DLGAP1: variants seen among roughly 807,000 people sequenced by gnomAD.
DLGAP1 encodes DLG associated protein 1, also known as disks large-associated protein 1.
Under a neutral mutation model 90.8 loss-of-function variants are expected in DLGAP1, and 11 were observed. The observed-to-expected ratio is 0.12, with a 90% CI of 0.08 to 0.20. DLGAP1 has a LOEUF of 0.20. Among genes scored for constraint, DLGAP1 ranks in the 10% least tolerant of loss-of-function variants. DLGAP1 has a pLI of 1.00. For synonymous variants in DLGAP1, 558 were observed against 540.7 expected (o/e 1.03, Z -0.44); for missense variants, 1,050 against 1,333.8 (o/e 0.79, Z 3.31).
chr18:3,783,439 T>C (rs943720785), intron 5 of DLGAP1, among the ~76,000 whole-genome samples: 6 of 152,224 alleles, frequency 3.9e-5, no homozygotes, highest in Non-Finnish European at 5.9e-5. Context: ...AATGTGGGTT[T>C]TCCACACAGT....
At chr18:3,623,815 A>C (rs1376669580) in intron 7 of DLGAP1, among the ~76,000 whole-genome samples, 1 of 150,948 alleles carries the variant, frequency 6.6e-6, no homozygotes, top group Admixed American at 6.6e-5. Context: ...CCCCCTAGAA[A>C]ATGCTTTTCC....
intron 4 of DLGAP1, chr18:3,845,393 T>G: frequency 1.5e-5 from 21 of 1,380,706 alleles, no homozygotes; most frequent in East Asian, 8.4e-5. Flanking sequence ...GACTTGGGGG[T>G]GGGGGGAGAG....
chr18:4,234,401 T>C lies in DLGAP1; in HGVS notation c.-266-83114A>G, dbSNP rs2078361968. ...TTTGACAGTAACCAAGCAAAACTTGTGATTCACTATGATGATAACACAGCA... is the reference window on the plus strand; with the variant it reads ...TTTGACAGTAACCAAGCAAAACTTGCGATTCACTATGATGATAACACAGCA... On this transcript the variant is annotated intron_variant, in intron 1 of 12. Coordinates refer to ENST00000315677, the MANE Select transcript of DLGAP1 (RefSeq NM_004746.4). Among the ~76,000 whole-genome samples, 8 of 152,296 alleles carry C rather than the reference T, an allele frequency of 5.3e-5. No individual in the cohort carries two copies. In the South Asian group the frequency reaches 1.7e-3, roughly 32 times the overall value.
chr18:4,169,526 T>C (rs1359708412), intron 1 of DLGAP1, among the ~76,000 whole-genome samples: 1 of 152,220 alleles, frequency 6.6e-6, no homozygotes, highest in African/African-American at 2.4e-5. Flanking sequence ...TAAGTTGCTA[T>C]CATTAACACA....
chr18:3,625,570 G>C (rs542590358), intron 7 of DLGAP1, among the ~76,000 whole-genome samples: 1 of 152,192 alleles, frequency 6.6e-6, no homozygotes, highest in Admixed American at 6.5e-5. Context: ...CCCAAAGCAT[G>C]CCTTTTTTGG....
At chr18:3,642,905 T>C in intron 7 of DLGAP1, among the ~76,000 whole-genome samples, 1 of 152,228 alleles carries the variant, frequency 6.6e-6, no homozygotes, top group Non-Finnish European at 1.5e-5. Context: ...TCAAACCAGC[T>C]ACTCTTCGAC....
intron 7 of DLGAP1, among the ~76,000 whole-genome samples, chr18:3,604,790 A>C (rs623302): frequency 0.79 from 120,032 of 152,126 alleles, 47,649 homozygotes; most frequent in African/African-American, 0.86. Context: ...GTAGTGAAAT[A>C]AGATGAGTCA....
At chr18:3,813,526 T>C (rs2066944556) in intron 5 of DLGAP1, among the ~76,000 whole-genome samples, 1 of 152,208 alleles carries the variant, frequency 6.6e-6, no homozygotes, top group African/African-American at 2.4e-5. Flanking sequence ...AGGCCTTCAA[T>C]TGTAATACAT....
chr18:4,390,994 T>C (rs995446787), intron 1 of DLGAP1, among the ~76,000 whole-genome samples: 2 of 152,162 alleles, frequency 1.3e-5, no homozygotes, highest in South Asian at 2.1e-4. Context: ...AATGGTCATA[T>C]ACCTTAAACA....
rs1277519903 is a variant in DLGAP1 at position 4,412,918 on chromosome 18, C to T, written c.-267+42088G>A. On this transcript the variant is annotated intron_variant, in intron 1 of 12. Transcript: ENST00000315677. Reference sequence around the variant, plus strand: ...GACATGCACAGGCAATGCTGCGATGCTCAGTGGTGCTGCCTTTTTAGGTGA... The same window carrying T: ...GACATGCACAGGCAATGCTGCGATGTTCAGTGGTGCTGCCTTTTTAGGTGA... Among the ~76,000 whole-genome samples the T allele has an allele frequency of 2.6e-5, 4 of 152,192 alleles. No homozygotes were observed. The East Asian group carries it at 5.8e-4, about 22-fold the overall frequency.
At position 4,095,954 on chromosome 18, in the gene DLGAP1, C is replaced by T. The variant is rs190357499; in HGVS notation, c.-159+55226G>A. On this transcript the variant is annotated intron_variant, in intron 2 of 12. Transcript: ENST00000315677. Reference sequence around the variant, plus strand: ...TCAGCAGAAACAAATTCTAAAGAGCCTGTGTTTACCTGAAACTGCCTGAGA... The same window carrying T: ...TCAGCAGAAACAAATTCTAAAGAGCTTGTGTTTACCTGAAACTGCCTGAGA... Among the ~76,000 whole-genome samples, 342 of 152,114 alleles carry T rather than the reference C, an allele frequency of 2.2e-3. 2 individuals are homozygous for T. The highest frequency in any genetic ancestry group is 7.3e-3 in the African/African-American group (304 of 41,510).
At chr18:3,608,704 C>T (rs1370883061) in intron 7 of DLGAP1, among the ~76,000 whole-genome samples, 2 of 152,196 alleles carry the variant, frequency 1.3e-5, no homozygotes, top group African/African-American at 2.4e-5. Flanking sequence ...ATAAGATGCT[C>T]ATTCCAGAGA....
intron 1 of DLGAP1, among the ~76,000 whole-genome samples, chr18:4,228,794 A>G (rs1182237101): frequency 6.6e-6 from 1 of 151,964 alleles, no homozygotes; most frequent in African/African-American, 2.4e-5. Flanking sequence ...ACAAGCATGT[A>G]CACTTTCAGC....
intron 2 of DLGAP1, among the ~76,000 whole-genome samples, chr18:4,049,421 C>T (rs1227323710): frequency 1.3e-5 from 2 of 152,058 alleles, no homozygotes; most frequent in African/African-American, 4.8e-5. Context: ...GCAGCCGAGG[C>T]ACTCATGCTG....
intron 5 of DLGAP1, among the ~76,000 whole-genome samples, chr18:3,808,551 G>A (rs958111788): frequency 2.6e-5 from 4 of 152,098 alleles, no homozygotes; most frequent in African/African-American, 9.7e-5. Flanking sequence ...AGGTAGGAGA[G>A]GAACAAAAAA....
chr18:3,685,419 C>T (rs1353395767), intron 7 of DLGAP1, among the ~76,000 whole-genome samples: 1 of 151,896 alleles, frequency 6.6e-6, no homozygotes, highest in African/African-American at 2.4e-5. Flanking sequence ...AAAAAATTAG[C>T]CGGGTGTGGT....
chr18:3,841,235 T>G (rs2068698920), intron 4 of DLGAP1, among the ~76,000 whole-genome samples: 1 of 152,076 alleles, frequency 6.6e-6, no homozygotes, highest in Non-Finnish European at 1.5e-5. Context: ...ATAATGCCTG[T>G]TTAAAAGGAC....
chr18:4,225,821 G>A (rs1422214800), intron 1 of DLGAP1, among the ~76,000 whole-genome samples: 1 of 151,850 alleles, frequency 6.6e-6, no homozygotes, highest in Non-Finnish European at 1.5e-5. Flanking sequence ...GCCCCCAAAG[G>A]GTAAATATAA....
intron 1 of DLGAP1, among the ~76,000 whole-genome samples, chr18:4,228,138 T>C (rs1337151034): frequency 6.6e-6 from 1 of 151,480 alleles, no homozygotes; most frequent in Non-Finnish European, 1.5e-5. Flanking sequence ...AGATGAAGCC[T>C]ACCAAGATTG....
Sources: gnomAD v4.1 joint callset for allele counts (sites outside exome capture counted in the v4.1 genomes callset) on GRCh38, gnomAD v4.1.1 for gene constraint, MANE v1.5 for transcripts, NCBI Gene and HGNC (gene_info 2026-07-23, HGNC 2026-07-21) for gene names.